The following ZRANB3 variants were observed in gnomAD, a reference collection of about 807,000 sequenced individuals.
The protein encoded by ZRANB3 is DNA annealing helicase and endonuclease ZRANB3.
ZRANB3 carries 125 observed loss-of-function variants against 133.8 expected under a neutral mutation model. The observed-to-expected ratio is 0.93, with a 90% CI of 0.81 to 1.08. ZRANB3 has a LOEUF of 1.08. ZRANB3 is among the 50% of genes least tolerant of loss of function. The pLI is 0.00. For missense variants in ZRANB3, 1,229 were observed against 1,275.5 expected, an observed-to-expected ratio of 0.96 and a Z score of 0.56; for synonymous variants, 387 against 432.7, an observed-to-expected ratio of 0.89 and a Z score of 1.31.
At position 135,211,402 on chromosome 2, in the gene ZRANB3, G is replaced by A. The variant is rs563875508; in HGVS notation, c.2496-2424C>T. Among the ~76,000 whole-genome samples, 6 of 152,176 alleles carry A rather than the reference G, an allele frequency of 3.9e-5. No homozygotes were observed. The East Asian group carries it at 7.8e-4, about 20-fold the overall frequency. On this transcript the variant is annotated intron_variant, in intron 17 of 20. Coordinates refer to ENST00000264159, the MANE Select transcript of ZRANB3 (RefSeq NM_032143.4). The stretch of plus-strand genomic sequence containing the variant: ...CTAAAAATATAAAAATTAGCTGGGC[G>A]TGGTGGTGCGCACCTGCAGTCCCAG...
intron 2 of ZRANB3, among the ~76,000 whole-genome samples, chr2:135,445,112 G>A (rs556272968): frequency 1.3e-4 from 20 of 152,266 alleles, no homozygotes; most frequent in African/African-American, 4.3e-4. Flanking sequence ...AGGAGAATAT[G>A]CAGTCAAGAG....
intron 2 of ZRANB3, among the ~76,000 whole-genome samples, chr2:135,491,918 G>A (rs781701087): frequency 6.6e-6 from 1 of 152,004 alleles, no homozygotes; most frequent in Non-Finnish European, 1.5e-5. Flanking sequence ...GGACAGAGAG[G>A]GAGAAAAAGG....
At chr2:135,392,355 A>AAGGGG (rs764736324) in intron 2 of ZRANB3, among the ~76,000 whole-genome samples, 1 of 81,974 alleles carries the variant, frequency 1.2e-5, no homozygotes, top group Non-Finnish European at 2.6e-5. Context: ...AAAAAAAAAA[A>AAGGGG]GGGGGGGGGG....
intron 8 of ZRANB3, among the ~76,000 whole-genome samples, chr2:135,309,963 G>GTC (rs1010655996): frequency 2.0e-5 from 3 of 152,182 alleles, no homozygotes; most frequent in Admixed American, 1.3e-4. Context: ...TGGAGACAGA[G>GTC]TCTTGCTCTG....
chr2:135,259,697 C>T (rs1679850754), intron 12 of ZRANB3, among the ~76,000 whole-genome samples: 1 of 152,096 alleles, frequency 6.6e-6, no homozygotes, highest in South Asian at 2.1e-4. Flanking sequence ...GGATTACAGG[C>T]GTGAGCCACT....
At chr2:135,226,003 T>A (rs1694747720) in intron 14 of ZRANB3, among the ~76,000 whole-genome samples, 1 of 152,152 alleles carries the variant, frequency 6.6e-6, no homozygotes. Context: ...ATGAAAGAAA[T>A]GTCCAAGCAA....
intron 9 of ZRANB3, among the ~76,000 whole-genome samples, chr2:135,272,454 A>T (rs1285140607): frequency 1.9e-5 from 2 of 104,592 alleles, no homozygotes; most frequent in Non-Finnish European, 3.4e-5. Context: ...TTGCTCTGTC[A>T]CCCAGGCTGG....
chr2:135,523,840 C>A (rs1694042275), intron 1 of ZRANB3, among the ~76,000 whole-genome samples: 1 of 152,110 alleles, frequency 6.6e-6, no homozygotes, highest in African/African-American at 2.4e-5. Context: ...TGAGAGAATA[C>A]AGAGGGTAGA....
rs570837928 is a variant in ZRANB3, at chr2:135,511,394, C to T, written c.-7-6898G>A. 3.2e-5 allele frequency: 26 copies of T among 803,042 alleles called. No homozygotes were observed. The South Asian group carries it at 3.5e-4, about 11-fold the overall frequency. The allele number at this position is 803,042 out of a possible 1,614,324, so 49.7% of individuals were successfully genotyped here. On this transcript the variant is annotated intron_variant, in intron 1 of 20. Coordinates refer to ENST00000264159, the MANE Select transcript of ZRANB3 (RefSeq NM_032143.4). ...CAACTGGCTCCTCTAAATGTTCTTCCACGTCATTACTGACAACTGCCTGAT... is the reference window on the plus strand; with the variant it reads ...CAACTGGCTCCTCTAAATGTTCTTCTACGTCATTACTGACAACTGCCTGAT...
At chr2:135,221,413 C>T (rs975968859) in intron 15 of ZRANB3, among the ~76,000 whole-genome samples, 3 of 152,042 alleles carry the variant, frequency 2.0e-5, no homozygotes, top group Admixed American at 6.5e-5. Flanking sequence ...GTGAGGTGGT[C>T]GCTGTGGTTT....
intron 8 of ZRANB3, among the ~76,000 whole-genome samples, chr2:135,297,101 A>C (rs1250914983): frequency 5.9e-5 from 9 of 152,172 alleles, no homozygotes; most frequent in Admixed American, 4.6e-4. Context: ...CTCTCTTCAA[A>C]GCTGTCAGAC....
At chr2:135,441,996 A>T (rs1436195269) in intron 2 of ZRANB3, among the ~76,000 whole-genome samples, 1 of 152,210 alleles carries the variant, frequency 6.6e-6, no homozygotes, top group Admixed American at 6.5e-5. Flanking sequence ...CGCCATATGT[A>T]GAAAGCTGAA....
At position 135,345,540 on chromosome 2, in the gene ZRANB3, T is replaced by C. The variant is rs1255974244; in HGVS notation, c.677+10A>G. On this transcript the variant is annotated intron_variant, in intron 6 of 20. Transcript: ENST00000264159. ...TGAGGAAAAAATTTACGGAAAATAG[T>C]TTAACTTACCTGATGTGTGCATTAC... 6.3e-7 allele frequency: 1 copy of C among 1,589,944 alleles called. No individual in the cohort carries two copies. Among genetic ancestry groups the C allele is most frequent in the East Asian group, 2.2e-5 (1 of 44,742 alleles).
intron 2 of ZRANB3, among the ~76,000 whole-genome samples, chr2:135,417,939 A>G (rs1362465669): frequency 2.0e-5 from 3 of 152,134 alleles, no homozygotes; most frequent in Non-Finnish European, 2.9e-5. Context: ...GAAGGAGAAC[A>G]TCACACTCCG....
intron 3 of ZRANB3, among the ~76,000 whole-genome samples, chr2:135,367,467 G>A (rs908747037): frequency 6.6e-6 from 1 of 152,116 alleles, no homozygotes; most frequent in African/African-American, 2.4e-5. Context: ...CTTAAGGATT[G>A]ATGTCAAGTC....
At chr2:135,433,197 G>C (rs1360578323) in intron 2 of ZRANB3, among the ~76,000 whole-genome samples, 1 of 152,134 alleles carries the variant, frequency 6.6e-6, no homozygotes, top group Middle Eastern at 3.4e-3. Context: ...TCCCAGCCTG[G>C]GCAACATAGT....
chr2:135,428,426 CAAAAAAAAAAAAA>C (rs34645774), intron 2 of ZRANB3, among the ~76,000 whole-genome samples: 14 of 75,260 alleles, frequency 1.9e-4, no homozygotes, highest in East Asian at 1.6e-3. Context: ...ACTTTGTTTC[CAAAAAAAAAAAAA>C]AAAAAAAAAA....
intron 6 of ZRANB3, among the ~76,000 whole-genome samples, chr2:135,342,340 C>A (rs951783110): frequency 6.7e-6 from 1 of 149,972 alleles, no homozygotes; most frequent in Non-Finnish European, 1.5e-5. Flanking sequence ...GCCTGGCCGA[C>A]AACTGACTTT....
Position 135,423,085 on chromosome 2 carries a change from T to C in ZRANB3, c.162-32265A>G, listed in dbSNP as rs1013320006. On this transcript the variant is annotated intron_variant, in intron 2 of 20. Transcript: ENST00000264159. ...TCCTTGGTTTGTAGGCACATCATTC[T>C]AATCTCTGCCATTCTGCTTACACAG... Among the ~76,000 whole-genome samples, 154 of 152,352 alleles carry C rather than the reference T, an allele frequency of 1.0e-3. 1 individual carries two copies. The highest frequency in any genetic ancestry group is 3.5e-3 in the African/African-American group (146 of 41,594).
Sources: allele counts gnomAD v4.1 joint callset (sites outside exome capture counted in the v4.1 genomes callset), GRCh38; gene constraint gnomAD v4.1.1; transcripts MANE v1.5; gene names NCBI Gene and HGNC (gene_info 2026-07-23, HGNC 2026-07-21).